The following ZNF385B variants were observed in gnomAD, a reference collection of about 807,000 sequenced individuals.
ZNF385B encodes zinc finger protein 533.
A neutral mutation model predicts 39.2 loss-of-function variants in ZNF385B; 23 were observed. That is an observed-to-expected ratio of 0.59 (90% CI 0.42 to 0.83). ZNF385B has a LOEUF of 0.83. Ranked by LOEUF, ZNF385B falls within the 40% of genes least tolerant of loss-of-function variation. ZNF385B has a pLI of 0.00. For synonymous variants in ZNF385B, 205 were observed against 222.6 expected, an observed-to-expected ratio of 0.92 and a Z score of 0.70; for missense variants, 552 against 598.9, an observed-to-expected ratio of 0.92 and a Z score of 0.82.
chr2:179,804,992 C>G (rs886303557), intron 1 of ZNF385B, among the ~76,000 whole-genome samples: 8 of 152,184 alleles, frequency 5.3e-5, no homozygotes, highest in South Asian at 2.1e-4. Flanking sequence ...ACTCATGACA[C>G]TCTTCTCATC....
At chr2:179,646,415 AAAAC>A (rs750423190) in intron 3 of ZNF385B, among the ~76,000 whole-genome samples, 2 of 152,258 alleles carry the variant, frequency 1.3e-5, no homozygotes, top group Admixed American at 6.5e-5. Context: ...TACGTCTCAA[AAAAC>A]AAACAAACAA....
At chr2:179,822,755 G>T (rs1282196765) in intron 1 of ZNF385B, among the ~76,000 whole-genome samples, 1 of 152,142 alleles carries the variant, frequency 6.6e-6, no homozygotes, top group Non-Finnish European at 1.5e-5. Flanking sequence ...GACGTCATTG[G>T]AATACCTTTT....
chr2:179,666,917 T>C (rs558291220), intron 3 of ZNF385B, among the ~76,000 whole-genome samples: 1 of 152,314 alleles, frequency 6.6e-6, no homozygotes, highest in South Asian at 2.1e-4. Context: ...TTGTTTTTTG[T>C]TTTATCTAGA....
chr2:179,681,232 A>AT (rs1244118707), intron 3 of ZNF385B, among the ~76,000 whole-genome samples: 2 of 151,998 alleles, frequency 1.3e-5, no homozygotes, highest in East Asian at 3.8e-4. Flanking sequence ...ATTTATTTTT[A>AT]TTTTTTTCAC....
At chr2:179,474,332 G>T (rs1313585794) in intron 6 of ZNF385B, among the ~76,000 whole-genome samples, 1 of 152,068 alleles carries the variant, frequency 6.6e-6, no homozygotes, top group Non-Finnish European at 1.5e-5. Context: ...AAAATATTTG[G>T]TTGGTGCAAA....
At chr2:179,680,514 G>T (rs1697419071) in intron 3 of ZNF385B, among the ~76,000 whole-genome samples, 1 of 152,066 alleles carries the variant, frequency 6.6e-6, no homozygotes, top group Admixed American at 6.5e-5. Flanking sequence ...AGCATACGGG[G>T]ACCTTCTGAT....
At position 179,595,197 on chromosome 2, in the gene ZNF385B, C is replaced by A. The variant is rs147486790; in HGVS notation, c.299-50228G>T. Among the ~76,000 whole-genome samples, 3 of 152,180 alleles carry A rather than the reference C, an allele frequency of 2.0e-5. No homozygotes were observed. The East Asian group carries it at 5.8e-4, about 29-fold the overall frequency. ...CTAGGAAGATTCAAAGGAAAAAAAT[C>A]ATCCATAGGGTATCTGATCTTTTTA... On this transcript the variant is annotated intron_variant, in intron 3 of 9. Transcript: ENST00000410066.
intron 3 of ZNF385B, among the ~76,000 whole-genome samples, chr2:179,765,918 T>A (rs996398286): frequency 2.0e-5 from 3 of 151,940 alleles, no homozygotes; most frequent in Non-Finnish European, 4.4e-5. Context: ...CCCCTTTGAG[T>A]CTCTCTTTCA....
intron 1 of ZNF385B, among the ~76,000 whole-genome samples, chr2:179,789,768 T>G (rs555669246): frequency 1.3e-5 from 2 of 152,178 alleles, no homozygotes; most frequent in South Asian, 4.1e-4. Flanking sequence ...ACTAAACTAT[T>G]TGTAGCATGT....
At chr2:179,549,298 GAT>G (rs1228868074) in intron 3 of ZNF385B, among the ~76,000 whole-genome samples, 1 of 149,498 alleles carries the variant, frequency 6.7e-6, no homozygotes, top group Non-Finnish European at 1.5e-5. Context: ...TTCTTATGTG[GAT>G]ATATGTTTTC....
chr2:179,636,068 AT>A (rs1348771200), intron 3 of ZNF385B, among the ~76,000 whole-genome samples: 1 of 152,230 alleles, frequency 6.6e-6, no homozygotes, highest in Non-Finnish European at 1.5e-5. Flanking sequence ...TATCTAGCAT[AT>A]TTTTGATAGG....
intron 1 of ZNF385B, among the ~76,000 whole-genome samples, chr2:179,793,939 A>C (rs773583644): frequency 6.6e-6 from 1 of 152,246 alleles, no homozygotes; most frequent in East Asian, 1.9e-4. Context: ...CCATTATGTC[A>C]ATGTTAGCTA....
At chr2:179,683,144 T>C (rs1191231524) in intron 3 of ZNF385B, among the ~76,000 whole-genome samples, 1 of 151,940 alleles carries the variant, frequency 6.6e-6, no homozygotes, top group East Asian at 1.9e-4. Context: ...TCCCAGCACT[T>C]TGGGAGGCCG....
At chr2:179,830,038 C>T (rs1039612094) in intron 1 of ZNF385B, among the ~76,000 whole-genome samples, 1 of 152,170 alleles carries the variant, frequency 6.6e-6, no homozygotes, top group Admixed American at 6.5e-5. Context: ...AAGAGCCCAA[C>T]TGAAAAAGAG....
At chr2:179,804,490 G>A (rs114533491) in intron 1 of ZNF385B, among the ~76,000 whole-genome samples, 1 of 152,160 alleles carries the variant, frequency 6.6e-6, no homozygotes, top group African/African-American at 2.4e-5. Context: ...AGCCTGAATG[G>A]AGCAGTGGGG....
intron 1 of ZNF385B, among the ~76,000 whole-genome samples, chr2:179,855,636 T>G (rs1575604502): frequency 1.3e-5 from 2 of 152,238 alleles, no homozygotes; most frequent in African/African-American, 4.8e-5. Context: ...GCTCATAAAT[T>G]TCTTTTCAGA....
intron 3 of ZNF385B, among the ~76,000 whole-genome samples, chr2:179,643,224 A>G (rs1692424399): frequency 2.1e-5 from 1 of 48,214 alleles, no homozygotes; most frequent in Non-Finnish European, 4.1e-5. Flanking sequence ...ACCTCTCAAT[A>G]CTTAAATACA....
intron 3 of ZNF385B, among the ~76,000 whole-genome samples, chr2:179,588,615 A>G (rs1250261598): frequency 1.3e-5 from 2 of 152,174 alleles, no homozygotes; most frequent in East Asian, 3.9e-4. Context: ...GCCCGAGGCC[A>G]TGAAAACCAC....
At chr2:179,776,578 A>C (rs1704334726) in intron 1 of ZNF385B, among the ~76,000 whole-genome samples, 1 of 152,198 alleles carries the variant, frequency 6.6e-6, no homozygotes, top group Admixed American at 6.5e-5. Flanking sequence ...CAAACATCAC[A>C]GTTGGTCTTC....
Sources: gnomAD v4.1 joint callset for allele counts (sites outside exome capture counted in the v4.1 genomes callset) on GRCh38, gnomAD v4.1.1 for gene constraint, MANE v1.5 for transcripts, NCBI Gene and HGNC (gene_info 2026-07-23, HGNC 2026-07-21) for gene names.